Variants in CLNK observed in about 807,000 individuals in gnomAD.
CLNK encodes the protein cytokine dependent hematopoietic cell linker, also known as cytokine-dependent hematopoietic cell linker.
Under a neutral mutation model 68.6 loss-of-function variants are expected in CLNK, and 74 were observed. The observed-to-expected ratio is 1.08, with a 90% CI of 0.89 to 1.31. The LOEUF (loss-of-function observed/expected upper bound fraction) is 1.31, where lower values mean the gene tolerates loss of function less well. Ranked by LOEUF, CLNK falls within the 50% of genes most tolerant of loss-of-function variation. The probability of loss-of-function intolerance (pLI) is 0.00; values close to 1 mark genes in which losing one functional copy is unlikely to be tolerated. For synonymous variants in CLNK, 198 were observed against 172.2 expected (o/e 1.15, Z -1.17); for missense variants, 553 against 515.3 (o/e 1.07, Z -0.71).
chr4:10,630,425 G>A (rs1340736104), intron 2 of CLNK, among the ~76,000 whole-genome samples: 1 of 152,186 alleles, frequency 6.6e-6, no homozygotes, highest in Non-Finnish European at 1.5e-5. Flanking sequence ...TCCAACTTGT[G>A]TCTAATGAGC....
At chr4:10,581,920 T>C (rs1342666155) in intron 4 of CLNK, among the ~76,000 whole-genome samples, 1 of 152,216 alleles carries the variant, frequency 6.6e-6, no homozygotes, top group African/African-American at 2.4e-5. Context: ...GTCTAAAGAA[T>C]GGCCCAGAAC....
intron 8 of CLNK, 142 bp downstream of exon 8, chr4:10,558,265 G>C: frequency 3.0e-6 from 2 of 658,576 alleles, no homozygotes; most frequent in Non-Finnish European, 5.4e-6. Flanking sequence ...TCTAAAATTA[G>C]ATAGTTATTT....
At chr4:10,507,040 C>T (rs911783033) in intron 17 of CLNK, among the ~76,000 whole-genome samples, 3 of 151,820 alleles carry the variant, frequency 2.0e-5, no homozygotes, top group East Asian at 3.9e-4. Flanking sequence ...CTCCTGACCT[C>T]GTGAGCCGCC....
intron 15 of CLNK, among the ~76,000 whole-genome samples, chr4:10,517,896 C>G (rs890721115): frequency 5.3e-5 from 8 of 152,120 alleles, no homozygotes; most frequent in Non-Finnish European, 8.8e-5. Context: ...TCCCTGAAAG[C>G]CTGGTTGTAT....
chr4:10,607,853 C>T (rs1721845947), intron 2 of CLNK, among the ~76,000 whole-genome samples: 1 of 152,222 alleles, frequency 6.6e-6, no homozygotes, highest in African/African-American at 2.4e-5. Flanking sequence ...AACTAAATCA[C>T]TTAACCATTC....
chr4:10,723,709 C>G, the CLNK span, among the ~76,000 whole-genome samples: 1 of 152,002 alleles, frequency 6.6e-6, no homozygotes, highest in Non-Finnish European at 1.5e-5. Flanking sequence ...TCATGCCTAC[C>G]CCACACCATA....
At chr4:10,499,645 A>G (rs1716959010) in intron 18 of CLNK, among the ~76,000 whole-genome samples, 1 of 152,176 alleles carries the variant, frequency 6.6e-6, no homozygotes, top group Admixed American at 6.5e-5. Flanking sequence ...TTTATCCTGT[A>G]TTAGTTTGTC....
At chr4:10,542,803 C>T (rs150373594) in intron 8 of CLNK, among the ~76,000 whole-genome samples, 3 of 151,274 alleles carry the variant, frequency 2.0e-5, no homozygotes, top group African/African-American at 7.3e-5. Flanking sequence ...CCCCAGAATC[C>T]AACTTCTTTA....
chr4:10,653,186 G>T (rs1214782378), intron 2 of CLNK, among the ~76,000 whole-genome samples: 1 of 152,082 alleles, frequency 6.6e-6, no homozygotes, highest in Non-Finnish European at 1.5e-5. Context: ...AGTGGGGCTT[G>T]TCAGGAGATG....
At chr4:10,505,422 C>T (rs1457047077) in intron 17 of CLNK, among the ~76,000 whole-genome samples, 1 of 152,198 alleles carries the variant, frequency 6.6e-6, no homozygotes, top group Non-Finnish European at 1.5e-5. Context: ...TCCATTTATT[C>T]TGTGTATGTT....
At chr4:10,499,707 GT>G (rs1157925344) in intron 18 of CLNK, among the ~76,000 whole-genome samples, 1 of 152,188 alleles carries the variant, frequency 6.6e-6, no homozygotes, top group African/African-American at 2.4e-5. Flanking sequence ...CAACAGAAAT[GT>G]CTTTCTTCGC....
chr4:10,556,156 A>G (rs1177668500), intron 8 of CLNK, among the ~76,000 whole-genome samples: 2 of 152,222 alleles, frequency 1.3e-5, no homozygotes, highest in African/African-American at 2.4e-5. Context: ...TCGCTACAAA[A>G]CAGAGCACTA....
Position 10,615,807 on chromosome 4 carries a change from T to A in CLNK, c.12-17758A>T, listed in dbSNP as rs150765319. ...CAAAGATTTTTCCAAGGTCAACTAG[T>A]CAATGGTAGTGTTCTGGTAAAGCCT... is the stretch of plus-strand genomic sequence containing the variant. On this transcript the variant is annotated intron_variant, in intron 2 of 18. Transcript: ENST00000226951. Among the ~76,000 whole-genome samples, 1,114 of 152,286 alleles carry A rather than the reference T, an allele frequency of 7.3e-3. 9 individuals are homozygous for A. Among genetic ancestry groups the A allele is most frequent in the Non-Finnish European group, 0.012 (783 of 68,012 alleles).
chr4:10,557,473 G>T (rs993871004), intron 8 of CLNK, among the ~76,000 whole-genome samples: 3 of 152,198 alleles, frequency 2.0e-5, no homozygotes, highest in Non-Finnish European at 4.4e-5. Context: ...CCCGGGACCA[G>T]TGATCACTGC....
chr4:10,680,452 T>G (rs926657124), intron 1 of CLNK, among the ~76,000 whole-genome samples: 21 of 151,696 alleles, frequency 1.4e-4, no homozygotes, highest in African/African-American at 5.1e-4. Context: ...CACCAACATG[T>G]CACATGTATA....
At chr4:10,559,705 G>A (rs374658738) in intron 7 of CLNK, among the ~76,000 whole-genome samples, 3 of 152,014 alleles carry the variant, frequency 2.0e-5, no homozygotes, top group Non-Finnish European at 2.9e-5. Context: ...AGGATTCCCC[G>A]GCCCAGGAAT....
the CLNK span, among the ~76,000 whole-genome samples, chr4:10,691,465 G>T: frequency 3.9e-5 from 6 of 152,242 alleles, no homozygotes; most frequent in African/African-American, 1.2e-4. Context: ...AGACAGAGAC[G>T]TAAGTTCCAA....
intron 1 of CLNK, among the ~76,000 whole-genome samples, chr4:10,678,827 AG>A (rs1244068453): frequency 5.9e-5 from 9 of 152,338 alleles, no homozygotes; most frequent in African/African-American, 2.2e-4. Flanking sequence ...GACCTCTTCA[AG>A]GAGAACTACA....
chr4:10,603,669 G>A (rs1427789626), intron 2 of CLNK, among the ~76,000 whole-genome samples: 1 of 152,256 alleles, frequency 6.6e-6, no homozygotes, highest in Admixed American at 6.5e-5. Flanking sequence ...AGAGGCCTCA[G>A]CGGCCCCCAC....
Sources: gnomAD v4.1 joint callset for allele counts (sites outside exome capture counted in the v4.1 genomes callset) on GRCh38, gnomAD v4.1.1 for gene constraint, MANE v1.5 for transcripts, NCBI Gene and HGNC (gene_info 2026-07-23, HGNC 2026-07-21) for gene names.